Variants in COL19A1 observed in about 807,000 individuals in gnomAD.
COL19A1 encodes collagen type XIX alpha 1 chain.
In COL19A1, 159 loss-of-function variants were observed where a neutral mutation model predicts 190.2. That is an observed-to-expected ratio of 0.84 (90% CI 0.73 to 0.95). COL19A1 has a LOEUF of 0.95. Ranked by LOEUF, COL19A1 falls within the 40% of genes least tolerant of loss-of-function variation. The probability of loss-of-function intolerance (pLI) is 0.00; values close to 1 mark genes in which losing one functional copy is unlikely to be tolerated. For missense variants in COL19A1, 1,418 were observed against 1,431.9 expected (o/e 0.99, Z 0.16); for synonymous variants, 509 against 458.9 (o/e 1.11, Z -1.39).
intron 14 of COL19A1, 134 bp from the exon 15 acceptor site, chr6:70,068,289 T>C (rs1413032177): frequency 1.5e-6 from 1 of 676,506 alleles, no homozygotes; most frequent in Non-Finnish European, 2.7e-6. Context: ...ATTATATAGT[T>C]CAACCTTGAA....
At chr6:70,165,896 G>A (rs1196442647) in intron 36 of COL19A1, 45 bp from the exon 37 acceptor site, 1 of 1,572,634 alleles carries the variant, frequency 6.4e-7, no homozygotes, top group Non-Finnish European at 8.7e-7. Context: ...GTAAACCTGG[G>A]GTAGAAACGT....
At chr6:70,186,838 T>G (rs1054500353) in intron 46 of COL19A1, among the ~76,000 whole-genome samples, 2 of 152,168 alleles carry the variant, frequency 1.3e-5, no homozygotes, top group African/African-American at 4.8e-5. Context: ...AATATTTTAC[T>G]AATTAATTAT....
intron 16 of COL19A1, among the ~76,000 whole-genome samples, chr6:70,111,671 G>A (rs953848507): frequency 1.3e-5 from 2 of 152,058 alleles, no homozygotes; most frequent in African/African-American, 4.8e-5. Context: ...TGTGGAATGG[G>A]GCCACGTGTT....
intron 2 of COL19A1, among the ~76,000 whole-genome samples, chr6:69,888,077 G>A (rs1769062612): frequency 6.6e-6 from 1 of 152,180 alleles, no homozygotes; most frequent in Admixed American, 6.5e-5. Flanking sequence ...CTGTTTTGGG[G>A]AAATGGCAGG....
chr6:70,042,803 G>C (rs910967121), intron 14 of COL19A1, among the ~76,000 whole-genome samples: 1 of 152,088 alleles, frequency 6.6e-6, no homozygotes, highest in Non-Finnish European at 1.5e-5. Context: ...AACAATGTTT[G>C]CAGCATTTTC....
intron 44 of COL19A1, among the ~76,000 whole-genome samples, chr6:70,182,118 G>A (rs1766214007): frequency 6.6e-6 from 1 of 152,148 alleles, no homozygotes; most frequent in South Asian, 2.1e-4. Context: ...GAGTGGGGTA[G>A]AGGAAGACAG....
In COL19A1 at chr6:69,939,622, A is replaced by G. The variant is rs190445652; in HGVS notation, c.936+1522A>G. Among the ~76,000 whole-genome samples the G allele has an allele frequency of 2.8e-3, 423 of 152,150 alleles. 3 individuals carry two copies. Among genetic ancestry groups the G allele is most frequent in the African/African-American group, 9.5e-3 (393 of 41,526 alleles). ...TTGATCAGGTACTTCCACTTGCGAT[A>G]TTTTACTCTTAAAACATCATTTAAA... On this transcript the variant is annotated intron_variant, in intron 9 of 50. Transcript: ENST00000620364.
At chr6:70,114,385 C>G (rs1161354644) in intron 16 of COL19A1, among the ~76,000 whole-genome samples, 2 of 152,082 alleles carry the variant, frequency 1.3e-5, no homozygotes, top group African/African-American at 4.8e-5. Flanking sequence ...TGAGTTGAAA[C>G]CTAGCTCTTG....
At chr6:70,184,608 T>C (rs1219909684) in intron 44 of COL19A1, 95 bp from the exon 45 acceptor site, 2 of 952,428 alleles carry the variant, frequency 2.1e-6, no homozygotes, top group Non-Finnish European at 3.2e-6. Flanking sequence ...TCAGTAGAAA[T>C]ATGATTAAGG....
At position 69,929,412 on chromosome 6, in the gene COL19A1, T is replaced by C. The variant is rs1211036208; in HGVS notation, c.391-13T>C. 6.2e-7 allele frequency: 1 copy of C among 1,606,698 alleles called. No individual in the cohort carries two copies. Among genetic ancestry groups the C allele is most frequent in the Admixed American group, 1.7e-5 (1 of 58,924 alleles). The stretch of plus-strand genomic sequence containing the variant: ...ATTTTTAAAACATTTAAAGATACTT[T>C]ACATTTTTGCAGATTTCTATAGTAG... On this transcript the variant is annotated splice_polypyrimidine_tract_variant and intron_variant, in intron 5 of 50. Coordinates refer to ENST00000620364, the MANE Select transcript of COL19A1 (RefSeq NM_001858.6).
Position 70,064,230 on chromosome 6 carries a change from A to G in COL19A1, c.1171-4193A>G, listed in dbSNP as rs189946615. The stretch of plus-strand genomic sequence containing the variant: ...GAACATCAATGCCAAAATCCTCAAT[A>G]AAGTACTGGAAAACCGAATCCAGCA... On this transcript the variant is annotated intron_variant, in intron 14 of 50. Coordinates refer to ENST00000620364, the MANE Select transcript of COL19A1 (RefSeq NM_001858.6). 9.8e-5 allele frequency among the ~76,000 whole-genome samples: 15 copies of G among 152,324 alleles called. No individual in the cohort carries two copies. In the East Asian group the frequency reaches 2.7e-3, roughly 27 times the overall value.
Position 69,960,030 on chromosome 6 carries a change from C to G in COL19A1, c.971C>G (p.Pro324Arg), listed in dbSNP as rs767721832. ...ENGLHGAPGF[P>R]GQKGEQGFEG... ...GGTTTACATGGTGCTCCAGGATTCC[C>G]TGGTCAAAAGGTAAAGAGTTCTTGA... Residue 324 changes from proline to arginine, a missense_variant, in exon 10 of 51, where the codon CCT becomes CGT. By Grantham distance (103) the Pro-to-Arg change is moderately radical (BLOSUM62 -2). Transcript: ENST00000620364. 5.0e-5 allele frequency: 81 copies of G among 1,613,164 alleles called. No homozygotes were observed. The East Asian group carries it at 1.8e-3, about 36-fold the overall frequency.
chr6:70,125,972 C>T (rs190420265), intron 17 of COL19A1, among the ~76,000 whole-genome samples: 110 of 152,216 alleles, frequency 7.2e-4, no homozygotes, highest in Middle Eastern at 3.4e-3. Context: ...AAAAAAAATA[C>T]GTTTTATCTG....
At chr6:69,881,161 T>C (rs950018756) in intron 2 of COL19A1, among the ~76,000 whole-genome samples, 4 of 152,190 alleles carry the variant, frequency 2.6e-5, no homozygotes, top group African/African-American at 9.6e-5. Flanking sequence ...GATTTGGTAA[T>C]TTACATCTTT....
At chr6:69,871,832 T>G (rs1240749025) in intron 1 of COL19A1, among the ~76,000 whole-genome samples, 1 of 62,716 alleles carries the variant, frequency 1.6e-5, no homozygotes, top group Non-Finnish European at 3.5e-5. Context: ...TTTTTTTTTT[T>G]GAAACGGAGT....
chr6:70,032,970 A>G (rs1391936575), intron 12 of COL19A1, among the ~76,000 whole-genome samples: 1 of 152,200 alleles, frequency 6.6e-6, no homozygotes, highest in Non-Finnish European at 1.5e-5. Flanking sequence ...TGGATATTGT[A>G]AATAATAAGA....
chr6:70,183,942 G>A (rs1396625217), intron 44 of COL19A1, among the ~76,000 whole-genome samples: 3 of 152,174 alleles, frequency 2.0e-5, no homozygotes, highest in East Asian at 3.9e-4. Context: ...ATTTGACCTC[G>A]AATACTTTTC....
chr6:69,874,117 T>C (rs1269021438), intron 1 of COL19A1, among the ~76,000 whole-genome samples: 1 of 152,076 alleles, frequency 6.6e-6, no homozygotes, highest in Non-Finnish European at 1.5e-5. Flanking sequence ...ACAAAGCCAA[T>C]AATTGAGAAA....
chr6:69,999,274 G>A (rs1472600974), intron 11 of COL19A1, among the ~76,000 whole-genome samples: 2 of 148,750 alleles, frequency 1.3e-5, no homozygotes, highest in Non-Finnish European at 3.0e-5. Context: ...GCTCACGCCT[G>A]TAATCCCAGC....
Sources: gnomAD v4.1 joint callset for allele counts (sites outside exome capture counted in the v4.1 genomes callset) on GRCh38, gnomAD v4.1.1 for gene constraint, MANE v1.5 for transcripts, NCBI Gene and HGNC (gene_info 2026-07-23, HGNC 2026-07-21) for gene names.